The following LRCH1 variants were observed in gnomAD, a reference collection of about 807,000 sequenced individuals.
LRCH1 encodes leucine-rich repeat and calponin homology domain-containing protein 1.
In LRCH1, 23 loss-of-function variants were observed where a neutral mutation model predicts 94.9. That is an observed-to-expected ratio of 0.24 (90% CI 0.17 to 0.34). The LOEUF (loss-of-function observed/expected upper bound fraction) is 0.34. Ranked by LOEUF, LRCH1 falls within the 10% of genes least tolerant of loss-of-function variation. LRCH1 has a pLI of 1.00. For missense variants in LRCH1, 790 were observed against 945.9 expected (o/e 0.84, Z 2.16); for synonymous variants, 364 against 354.9 (o/e 1.03, Z -0.29).
intron 1 of LRCH1, among the ~76,000 whole-genome samples, chr13:46,629,139 C>T (rs1045447049): frequency 6.6e-6 from 1 of 152,070 alleles, no homozygotes; most frequent in African/African-American, 2.4e-5. Flanking sequence ...ATTTGAAAAC[C>T]CCAAGGGCAA....
chr13:46,712,036 GAT>G (rs1872091451), intron 14 of LRCH1, among the ~76,000 whole-genome samples, 192 bp downstream of exon 14: 1 of 152,132 alleles, frequency 6.6e-6, no homozygotes, highest in African/African-American at 2.4e-5. Context: ...ATTTTTATGA[GAT>G]ATATTTTTAA....
At chr13:46,699,573 G>A (rs1207905585) in intron 10 of LRCH1, among the ~76,000 whole-genome samples, 170 bp downstream of exon 10, 1 of 152,162 alleles carries the variant, frequency 6.6e-6, no homozygotes, top group Non-Finnish European at 1.5e-5. Context: ...GATGCTTTTT[G>A]TCGTGGTATT....
rs1457969904 is a variant in LRCH1, at chr13:46,701,146, A to C, written c.1339A>C (p.Met447Leu). 1 of 1,613,174 alleles carries C rather than the reference A, an allele frequency of 6.2e-7. No homozygotes were observed. Among genetic ancestry groups the C allele is most frequent in the African/African-American group, 1.3e-5 (1 of 74,924 alleles). Residue 447 changes from methionine (M) to leucine (L), a missense_variant, in exon 11 of 20, where the codon ATG becomes CTG. Met to Leu is a conservative substitution (Grantham distance 15). Coordinates refer to ENST00000389797, the MANE Select transcript of LRCH1 (RefSeq NM_001164211.2). Reference protein sequence around the residue: ...GIISSSKDQDMDIAMIEQLRE... With the variant: ...GIISSSKDQDLDIAMIEQLRE... ...AATAAGTTCATCCAAAGATCAGGAC[A>C]TGGATATAGCAATGATCGAGCAGCT...
At position 46,744,582 on chromosome 13, in the gene LRCH1, A is replaced by G. The variant is rs974562341; in HGVS notation, c.*2734A>G. The stretch of plus-strand genomic sequence containing the variant: ...TGATAATCGAGTATAAATTTCATCA[A>G]TGAGAGTAGATAAATAAAGGCACTT... On this transcript the variant is annotated 3_prime_UTR_variant, in exon 20 of 20. Transcript: ENST00000389797. The G allele has an allele frequency of 9.1e-6, 9 of 985,296 alleles. No individual in the cohort carries two copies. The highest frequency in any genetic ancestry group is 4.7e-5 in the South Asian group (1 of 21,292). The allele number at this position is 985,296 out of a possible 1,614,324, so 61.0% of individuals were successfully genotyped here. A position where few individuals can be genotyped will look rare whatever the true frequency, so the allele number is the denominator to read the frequency against.
intron 1 of LRCH1, among the ~76,000 whole-genome samples, chr13:46,565,166 T>G (rs1242017929): frequency 6.6e-6 from 1 of 152,234 alleles, no homozygotes; most frequent in Non-Finnish European, 1.5e-5. Context: ...GCACTGATTT[T>G]GCCATTATGA....
intron 1 of LRCH1, among the ~76,000 whole-genome samples, chr13:46,605,545 T>A (rs1009641415): frequency 6.6e-5 from 10 of 152,256 alleles, no homozygotes; most frequent in Admixed American, 5.9e-4. Flanking sequence ...CTTCCTATCC[T>A]ACCCCTTCCT....
At chr13:46,697,864 G>C (rs1871275402) in intron 9 of LRCH1, among the ~76,000 whole-genome samples, 1 of 103,134 alleles carries the variant, frequency 9.7e-6, no homozygotes, top group Admixed American at 1.0e-4. Context: ...CAGTACGCCT[G>C]TTTTGCCTAA....
intron 1 of LRCH1, among the ~76,000 whole-genome samples, chr13:46,638,594 A>G (rs918758011): frequency 4.6e-5 from 7 of 152,236 alleles, no homozygotes; most frequent in African/African-American, 1.7e-4. Context: ...ACTGCAGGTA[A>G]AAAGGAGGAT....
chr13:46,687,824 A>C (rs1870699682), intron 5 of LRCH1, 28 bp from the exon 6 acceptor site: 1 of 1,591,390 alleles, frequency 6.3e-7, no homozygotes, highest in South Asian at 1.1e-5. Context: ...TTGAAAAATG[A>C]ATATGATTGC....
chr13:46,650,657 T>C (rs1028280247), intron 2 of LRCH1, among the ~76,000 whole-genome samples: 1 of 149,106 alleles, frequency 6.7e-6, no homozygotes, highest in Admixed American at 6.7e-5. Context: ...AGTATTCATG[T>C]AGATTTTGGA....
chr13:46,711,063 C>A (rs1872037026), intron 13 of LRCH1, among the ~76,000 whole-genome samples: 1 of 152,050 alleles, frequency 6.6e-6, no homozygotes, highest in African/African-American at 2.4e-5. Flanking sequence ...CCTCAGGTTC[C>A]CCTCTGTACC....
chr13:46,596,609 T>C (rs1206389225), intron 1 of LRCH1, among the ~76,000 whole-genome samples: 2 of 152,234 alleles, frequency 1.3e-5, no homozygotes, highest in Non-Finnish European at 2.9e-5. Flanking sequence ...AGAATGTCAG[T>C]GAATTCTAAC....
intron 1 of LRCH1, among the ~76,000 whole-genome samples, chr13:46,621,225 G>A (rs2050876612): frequency 6.6e-6 from 1 of 152,226 alleles, no homozygotes; most frequent in African/African-American, 2.4e-5. Context: ...TGTGGGAGGT[G>A]TGTTGCAGGT....
intron 18 of LRCH1, 61 bp from the exon 19 acceptor site, chr13:46,733,859 CA>C: frequency 1.0e-6 from 1 of 1,003,386 alleles, no homozygotes; most frequent in Non-Finnish European, 1.5e-6. Context: ...TAAAATTTAA[CA>C]TGTTATTAAA....
At chr13:46,698,441 G>A (rs1254267737) in intron 9 of LRCH1, among the ~76,000 whole-genome samples, 2 of 151,278 alleles carry the variant, frequency 1.3e-5, no homozygotes, top group Non-Finnish European at 1.5e-5. Context: ...CTACATTGCC[G>A]CTTTGGGAAA....
rs148330016 is a variant in LRCH1 at position 46,730,329 on chromosome 13, A to C, written c.2007+1345A>C. On this transcript the variant is annotated intron_variant, in intron 18 of 19. Coordinates refer to ENST00000389797, the MANE Select transcript of LRCH1 (RefSeq NM_001164211.2). ...AATTTACACATATATGTAAGCCATT[A>C]TAATCATTAGTGTTTATATGGCAAG... Among the ~76,000 whole-genome samples the C allele has an allele frequency of 4.1e-3, 621 of 152,326 alleles. 5 individuals carry two copies. The highest frequency in any genetic ancestry group is 0.014 in the African/African-American group (566 of 41,560).
At position 46,573,866 on chromosome 13, in the gene LRCH1, A is replaced by ATATATATT; in HGVS notation, c.307+20164_307+20165insATATATTT. ...GTCAAATATATATATATATATATAT[A>ATATATATT]TTTTTTTTTTTTTTGAGATGGAGTC... On this transcript the variant is annotated intron_variant, in intron 1 of 19. Transcript: ENST00000389797. Among the ~76,000 whole-genome samples the ATATATATT allele has an allele frequency of 1.3e-3, 85 of 63,394 alleles. 1 individual carries two copies. Among genetic ancestry groups the ATATATATT allele is most frequent in the Non-Finnish European group, 2.2e-3 (70 of 31,594 alleles). 41.6% of individuals were successfully genotyped at this position (63,394 alleles called of 152,430 possible).
rs2051476635 is a variant in LRCH1 at position 46,663,571 on chromosome 13, A to T, written c.453-5459A>T. Among the ~76,000 whole-genome samples the T allele has an allele frequency of 2.0e-5, 3 of 152,392 alleles. No homozygotes were observed. In the South Asian group the frequency reaches 6.2e-4, roughly 32 times the overall value. On this transcript the variant is annotated intron_variant, in intron 2 of 19. Transcript: ENST00000389797. ...AACAGTCAGGTGTCATATGCAAAACAGCAAAAAGTTACTCTAACTTTGATG... is the reference window on the plus strand; with the variant it reads ...AACAGTCAGGTGTCATATGCAAAACTGCAAAAAGTTACTCTAACTTTGATG...
intron 1 of LRCH1, among the ~76,000 whole-genome samples, chr13:46,592,171 C>G (rs2050507281): frequency 6.6e-6 from 1 of 152,154 alleles, no homozygotes; most frequent in Non-Finnish European, 1.5e-5. Flanking sequence ...TCGTGGAGGA[C>G]TCCATTAATG....
Sources: gnomAD v4.1 joint callset for allele counts (sites outside exome capture counted in the v4.1 genomes callset) on GRCh38, gnomAD v4.1.1 for gene constraint, MANE v1.5 for transcripts, NCBI Gene and HGNC (gene_info 2026-07-23, HGNC 2026-07-21) for gene names.